CDK6: variants seen among roughly 807,000 people sequenced by gnomAD.
The protein encoded by CDK6 is cyclin dependent kinase 6.
CDK6 carries 6 observed loss-of-function variants against 37.1 expected under a neutral mutation model. The ratio of observed to expected loss-of-function variants is 0.16; its 90% CI spans 0.09 to 0.32. The LOEUF is 0.32. CDK6 is among the 10% of genes least tolerant of loss of function. The pLI is 1.00. For missense variants in CDK6, 224 were observed against 418.9 expected (o/e 0.53, Z 4.06); for synonymous variants, 160 against 161.3 (o/e 0.99, Z 0.06).
intron 2 of CDK6, among the ~76,000 whole-genome samples, chr7:92,783,311 C>T (rs935247785): frequency 6.6e-6 from 1 of 152,174 alleles, no homozygotes; most frequent in African/African-American, 2.4e-5. Flanking sequence ...AAGGTGTGTT[C>T]TCCTGAAGCC....
Position 92,650,343 on chromosome 7 carries a change from T to C in CDK6, c.647+21083A>G, listed in dbSNP as rs571905673. 2.0e-5 allele frequency among the ~76,000 whole-genome samples: 3 copies of C among 152,342 alleles called. No individual in the cohort carries two copies. In the South Asian group the frequency reaches 6.2e-4, roughly 32 times the overall value. Reference sequence around the variant, plus strand: ...TTGGTGCTCATTACTGTGTAGACATTCTCAGCCAGAGCGCGACAACAGGCA... The same window carrying C: ...TTGGTGCTCATTACTGTGTAGACATCCTCAGCCAGAGCGCGACAACAGGCA... On this transcript the variant is annotated intron_variant, in intron 5 of 7. Coordinates refer to ENST00000424848, the MANE Select transcript of CDK6 (RefSeq NM_001145306.2).
At chr7:92,678,555 G>A (rs1014351691) in intron 4 of CDK6, among the ~76,000 whole-genome samples, 2 of 152,092 alleles carry the variant, frequency 1.3e-5, no homozygotes, top group African/African-American at 2.4e-5. Flanking sequence ...TACAGCCAAG[G>A]CCAACTCTGA....
chr7:92,790,892 C>T (rs577952217), intron 2 of CDK6, among the ~76,000 whole-genome samples: 11 of 152,212 alleles, frequency 7.2e-5, no homozygotes, highest in East Asian at 1.9e-4. Context: ...GCAGGAGCAC[C>T]GCAAGAAGCC....
intron 4 of CDK6, among the ~76,000 whole-genome samples, chr7:92,714,123 T>A (rs1798165445): frequency 1.3e-5 from 2 of 152,314 alleles, no homozygotes; most frequent in South Asian, 4.1e-4. Flanking sequence ...ATGGGGATAC[T>A]ACCATATGAG....
chr7:92,642,840 G>A (rs150975341), intron 5 of CDK6, among the ~76,000 whole-genome samples: 253 of 151,508 alleles, frequency 1.7e-3, no homozygotes, highest in African/African-American at 5.8e-3. Flanking sequence ...ACATCGCATC[G>A]TTTGGCTATG....
chr7:92,753,531 C>T (rs1349891687), intron 3 of CDK6, among the ~76,000 whole-genome samples: 2 of 152,118 alleles, frequency 1.3e-5, no homozygotes, highest in South Asian at 4.1e-4. Context: ...CTTGCTCTGT[C>T]GCCCAGGCTG....
chr7:92,769,534 T>C lies in CDK6; in HGVS notation c.369+5162A>G, dbSNP rs534783238. 8.5e-5 allele frequency among the ~76,000 whole-genome samples: 13 copies of C among 152,272 alleles called. 1 individual carries two copies. The East Asian group carries it at 2.1e-3, about 25-fold the overall frequency. On this transcript the variant is annotated intron_variant, in intron 3 of 7. Transcript: ENST00000424848. ...TCAAACATGTTTCATGCACAGAATGTCCACAGAATAATTTTAGGTTTTCAA... is the reference window on the plus strand; with the variant it reads ...TCAAACATGTTTCATGCACAGAATGCCCACAGAATAATTTTAGGTTTTCAA...
intron 4 of CDK6, among the ~76,000 whole-genome samples, chr7:92,694,545 G>A (rs1169708097): frequency 6.6e-6 from 1 of 152,186 alleles, no homozygotes; most frequent in Non-Finnish European, 1.5e-5. Context: ...TTCCAGAAGA[G>A]CCTGTGAAGA....
Position 92,618,309 on chromosome 7 carries a change from G to C in CDK6, c.699-102C>G, listed in dbSNP as rs368921345. The C allele has an allele frequency of 2.9e-4, 336 of 1,176,942 alleles. 1 individual carries two copies. The African/African-American group carries it at 4.7e-3, about 16-fold the overall frequency. The allele number at this position is 1,176,942 out of a possible 1,614,324, so 72.9% of individuals were successfully genotyped here. On this transcript the variant is annotated intron_variant, in intron 6 of 7. Transcript: ENST00000424848. ...GCAAAATCTAAGGGGGAGACATGGGGGGCAGAGTCCCAGGAGACCTTCACT... is the reference window on the plus strand; with the variant it reads ...GCAAAATCTAAGGGGGAGACATGGGCGGCAGAGTCCCAGGAGACCTTCACT...
intron 2 of CDK6, among the ~76,000 whole-genome samples, chr7:92,779,041 A>G (rs1343447746): frequency 1.3e-5 from 2 of 151,672 alleles, no homozygotes; most frequent in Non-Finnish European, 2.9e-5. Context: ...ACAAAAAGTC[A>G]TCTGCCCCCT....
At chr7:92,670,113 C>G (rs905457946) in intron 5 of CDK6, among the ~76,000 whole-genome samples, 2 of 152,214 alleles carry the variant, frequency 1.3e-5, no homozygotes, top group Admixed American at 1.3e-4. Flanking sequence ...CCTTTGGACT[C>G]ATACCCCTGC....
chr7:92,648,054 A>T (rs1796490259), intron 5 of CDK6, among the ~76,000 whole-genome samples: 2 of 152,052 alleles, frequency 1.3e-5, no homozygotes, highest in African/African-American at 4.8e-5. Flanking sequence ...TAAAAGATTC[A>T]TGTTGGGGAT....
In CDK6 at chr7:92,827,192, T is replaced by C. The variant is rs573469096; in HGVS notation, c.233+5899A>G. 5.9e-5 allele frequency among the ~76,000 whole-genome samples: 9 copies of C among 152,120 alleles called. No homozygotes were observed. In the South Asian group the frequency reaches 1.9e-3, roughly 32 times the overall value. ...TTATTATAAAACAGATCAAAGGGGG[T>C]TGCACTAGGTTAAATCTAAGACTTC... On this transcript the variant is annotated intron_variant, in intron 2 of 7. Coordinates refer to ENST00000424848, the MANE Select transcript of CDK6 (RefSeq NM_001145306.2).
chr7:92,658,103 A>C (rs1333389167), intron 5 of CDK6, among the ~76,000 whole-genome samples: 1 of 152,158 alleles, frequency 6.6e-6, no homozygotes, highest in Non-Finnish European at 1.5e-5. Context: ...TACTCTTGAC[A>C]ACCTTTCTTC....
At chr7:92,720,138 T>A (rs1348728648) in intron 4 of CDK6, among the ~76,000 whole-genome samples, 1 of 152,234 alleles carries the variant, frequency 6.6e-6, no homozygotes, top group African/African-American at 2.4e-5. Context: ...CCAGTGTTCC[T>A]CACTGTGTCA....
chr7:92,698,817 T>C (rs759901850), intron 4 of CDK6, among the ~76,000 whole-genome samples: 2 of 152,192 alleles, frequency 1.3e-5, no homozygotes, highest in Admixed American at 6.5e-5. Flanking sequence ...TGCATTCCTT[T>C]TAATTAGTCA....
intron 2 of CDK6, among the ~76,000 whole-genome samples, chr7:92,816,711 A>AT (rs1258310335): frequency 6.6e-6 from 1 of 152,048 alleles, no homozygotes; most frequent in Non-Finnish European, 1.5e-5. Context: ...GGAAAAGAAG[A>AT]TAAAAACAAA....
At chr7:92,830,294 G>C (rs1801441177) in intron 2 of CDK6, among the ~76,000 whole-genome samples, 2 of 152,212 alleles carry the variant, frequency 1.3e-5, no homozygotes, top group Non-Finnish European at 2.9e-5. Flanking sequence ...GCAATAACAA[G>C]TCAGCTTTTC....
chr7:92,830,773 C>T (rs1801457562), intron 2 of CDK6, among the ~76,000 whole-genome samples: 1 of 152,164 alleles, frequency 6.6e-6, no homozygotes, highest in African/African-American at 2.4e-5. Flanking sequence ...CAATAATTTC[C>T]TCAAGTATCA....
Sources: allele counts gnomAD v4.1 joint callset (sites outside exome capture counted in the v4.1 genomes callset), GRCh38; gene constraint gnomAD v4.1.1; transcripts MANE v1.5; gene names NCBI Gene and HGNC (gene_info 2026-07-23, HGNC 2026-07-21).